Variants in ACCSL observed in about 807,000 individuals in gnomAD.
ACCSL encodes the protein probable inactive 1-aminocyclopropane-1-carboxylate synthase-like protein 2.
ACCSL carries 55 observed loss-of-function variants against 61.7 expected under a neutral mutation model. The observed-to-expected ratio is 0.89, with a 90% CI of 0.72 to 1.12. The LOEUF (loss-of-function observed/expected upper bound fraction) is 1.12. Ranked by LOEUF, ACCSL falls within the 50% of genes most tolerant of loss-of-function variation. ACCSL has a pLI of 0.00. For missense variants in ACCSL, 632 were observed against 698.0 expected (o/e 0.91, Z 1.07); for synonymous variants, 258 against 264.3 (o/e 0.98, Z 0.23).
chr11:44,024,980 G>A, the ACCSL span, among the ~76,000 whole-genome samples: 1 of 151,788 alleles, frequency 6.6e-6, no homozygotes, highest in Admixed American at 6.6e-5. Flanking sequence ...AGTCTATTTT[G>A]TCTTACATTT....
At chr11:44,051,312 G>T in intron 3 of ACCSL, 23 bp from the exon 4 acceptor site, 2 of 1,614,060 alleles carry the variant, frequency 1.2e-6, no homozygotes, top group Non-Finnish European at 1.7e-6. Context: ...GAAGCCACAA[G>T]GTCTCTCTGG....
the ACCSL span, among the ~76,000 whole-genome samples, chr11:43,948,088 A>G: frequency 6.6e-6 from 1 of 152,178 alleles, no homozygotes; most frequent in Non-Finnish European, 1.5e-5. Context: ...AGCCAGCTAA[A>G]CATTTCTCTC....
the ACCSL span, among the ~76,000 whole-genome samples, chr11:44,027,097 C>A: frequency 6.6e-6 from 1 of 152,194 alleles, no homozygotes; most frequent in African/African-American, 2.4e-5. Flanking sequence ...GCTTACTGGT[C>A]TTTTAATGAT....
At chr11:44,058,080 T>C (rs1414134357) in intron 11 of ACCSL, among the ~76,000 whole-genome samples, 2 of 152,148 alleles carry the variant, frequency 1.3e-5, no homozygotes, top group East Asian at 1.9e-4. Flanking sequence ...GGCTGAGACA[T>C]GAGAATCACT....
the ACCSL span, among the ~76,000 whole-genome samples, chr11:44,016,821 A>C: frequency 3.2e-3 from 483 of 152,298 alleles, 2 homozygotes; most frequent in African/African-American, 0.011. Flanking sequence ...AGACCACTGG[A>C]CATGGTGTCA....
At chr11:43,933,889 G>A in the ACCSL span, among the ~76,000 whole-genome samples, 6 of 152,130 alleles carry the variant, frequency 3.9e-5, no homozygotes, top group Admixed American at 6.5e-5. Flanking sequence ...TGCCTCCTCC[G>A]GTGGGACCAG....
At chr11:43,934,758 G>A in the ACCSL span, among the ~76,000 whole-genome samples, 47 of 152,280 alleles carry the variant, frequency 3.1e-4, no homozygotes, top group South Asian at 8.5e-3. Flanking sequence ...ACCTGTGAAC[G>A]TTCTGCCCCA....
chr11:44,004,479 T>A, the ACCSL span, among the ~76,000 whole-genome samples: 1 of 151,216 alleles, frequency 6.6e-6, no homozygotes, highest in Non-Finnish European at 1.5e-5. Flanking sequence ...AAGGCCAAGC[T>A]GAGCTGAGCT....
chr11:44,016,762 T>G, the ACCSL span, among the ~76,000 whole-genome samples: 39 of 152,092 alleles, frequency 2.6e-4, no homozygotes, highest in Non-Finnish European at 4.1e-4. Flanking sequence ...GCTATGGCAT[T>G]TCTTTGGGAG....
chr11:43,930,097 G>C, the ACCSL span, among the ~76,000 whole-genome samples: 4 of 152,168 alleles, frequency 2.6e-5, no homozygotes, highest in Non-Finnish European at 5.9e-5. Flanking sequence ...TGTCCCAGCA[G>C]TCAGAGGCAG....
the ACCSL span, among the ~76,000 whole-genome samples, chr11:44,004,702 C>G: frequency 2.0e-5 from 3 of 152,150 alleles, no homozygotes; most frequent in Non-Finnish European, 1.5e-5. Flanking sequence ...CCCGCCCTAT[C>G]CTCAGAGATG....
At chr11:44,044,330 T>C (rs113020551), upstream of ACCSL, among the ~76,000 whole-genome samples, 1 of 152,138 alleles carries the variant, frequency 6.6e-6, no homozygotes, top group African/African-American at 2.4e-5. Flanking sequence ...GGGCTTCAGT[T>C]TCATCACATT....
chr11:43,934,528 A>G, the ACCSL span, among the ~76,000 whole-genome samples: 44 of 152,084 alleles, frequency 2.9e-4, no homozygotes, highest in Non-Finnish European at 2.9e-5. Context: ...GGCCAAACAC[A>G]CCCAAAGTGT....
the ACCSL span, among the ~76,000 whole-genome samples, chr11:44,012,221 T>C: frequency 1.2e-3 from 184 of 152,288 alleles, no homozygotes; most frequent in Non-Finnish European, 7.5e-4. Context: ...CAGAAAGACC[T>C]GATGCTGGCT....
At chr11:43,944,093 T>C in the ACCSL span, 2 of 349,408 alleles carry the variant, frequency 5.7e-6, no homozygotes, top group Non-Finnish European at 5.6e-6. Context: ...TCCAGTGTGC[T>C]CCTGCGTCCC....
chr11:44,000,146 A>G, the ACCSL span, among the ~76,000 whole-genome samples: 1 of 151,924 alleles, frequency 6.6e-6, no homozygotes, highest in Non-Finnish European at 1.5e-5. Flanking sequence ...TTATTTTGAG[A>G]TGGAGTCTTG....
At position 44,048,562 on chromosome 11, in the gene ACCSL, T is replaced by C. The variant is rs775430363; in HGVS notation, c.504+22T>C. The C allele has an allele frequency of 4.1e-5, 8 of 193,344 alleles. 1 individual carries two copies. Among genetic ancestry groups the C allele is most frequent in the Non-Finnish European group, 3.7e-5 (4 of 108,642 alleles). 12.0% of individuals were successfully genotyped at this position (193,344 alleles called of 1,614,324 possible). A position where few individuals can be genotyped will look rare whatever the true frequency, so the allele number is the denominator to read the frequency against. ...CTTGGTGAGAATTTGGGGTGGGGGG[T>C]GGGCAGCATCCTCACGGGCTCCAGT... On this transcript the variant is annotated intron_variant, in intron 1 of 13. Coordinates refer to ENST00000378832, the MANE Select transcript of ACCSL (RefSeq NM_001031854.2).
chr11:44,022,126 A>T, the ACCSL span, among the ~76,000 whole-genome samples: 3 of 151,736 alleles, frequency 2.0e-5, no homozygotes, highest in Non-Finnish European at 4.4e-5. Flanking sequence ...TATGAAGTTT[A>T]GGGTTGTTTT....
At chr11:43,925,583 T>C in the ACCSL span, 1 of 401,218 alleles carries the variant, frequency 2.5e-6, no homozygotes, top group South Asian at 1.8e-5. Flanking sequence ...TGCAAGGGGG[T>C]ACATGCTCCC....
Sources: allele counts gnomAD v4.1 joint callset (sites outside exome capture counted in the v4.1 genomes callset), GRCh38; gene constraint gnomAD v4.1.1; transcripts MANE v1.5; gene names NCBI Gene and HGNC (gene_info 2026-07-23, HGNC 2026-07-21).